CDH8: variants seen among roughly 807,000 people sequenced by gnomAD.
CDH8 encodes the protein cadherin 8.
CDH8 carries 17 observed loss-of-function variants against 68.1 expected under a neutral mutation model. The observed-to-expected ratio is 0.25, with a 90% CI of 0.17 to 0.37. The LOEUF is 0.37. Ranked by LOEUF, CDH8 falls within the 10% of genes least tolerant of loss-of-function variation. The pLI is 1.00. For synonymous variants in CDH8, 372 were observed against 365.1 expected, an observed-to-expected ratio of 1.02 and a Z score of -0.21; for missense variants, 763 against 999.3, an observed-to-expected ratio of 0.76 and a Z score of 3.19.
intron 8 of CDH8, among the ~76,000 whole-genome samples, chr16:61,765,658 G>C (rs1481464841): frequency 6.6e-6 from 1 of 151,942 alleles, no homozygotes; most frequent in African/African-American, 2.4e-5. Context: ...TAACTTTATT[G>C]TTTTAAAATA....
chr16:61,722,208 T>G (rs1300031415), intron 9 of CDH8, among the ~76,000 whole-genome samples: 1 of 150,846 alleles, frequency 6.6e-6, no homozygotes, highest in African/African-American at 2.4e-5. Flanking sequence ...TATTTGCACA[T>G]GCCTATTCTG....
intron 3 of CDH8, among the ~76,000 whole-genome samples, chr16:61,897,912 A>ATG (rs1213517558): frequency 6.6e-6 from 1 of 152,198 alleles, no homozygotes; most frequent in East Asian, 1.9e-4. Context: ...TGTGTTTTTT[A>ATG]TGTGTGTGTG....
chr16:61,855,689 A>G (rs937672176), intron 4 of CDH8, among the ~76,000 whole-genome samples: 23 of 152,176 alleles, frequency 1.5e-4, no homozygotes, highest in Non-Finnish European at 2.2e-4. Context: ...TCTGTCTTAC[A>G]GAAGACCCTG....
chr16:61,698,907 G>A (rs935750971), intron 10 of CDH8, among the ~76,000 whole-genome samples: 1 of 152,112 alleles, frequency 6.6e-6, no homozygotes, highest in Admixed American at 6.5e-5. Context: ...GAATATTTAT[G>A]TCCCAAAGGG....
chr16:61,688,075 C>T (rs1964142938), intron 10 of CDH8, among the ~76,000 whole-genome samples: 1 of 151,970 alleles, frequency 6.6e-6, no homozygotes, highest in Non-Finnish European at 1.5e-5. Context: ...ATGTTCTAAA[C>T]AACTTTGAAG....
At chr16:61,712,785 C>T (rs1203271530) in intron 10 of CDH8, among the ~76,000 whole-genome samples, 1 of 151,478 alleles carries the variant, frequency 6.6e-6, no homozygotes, top group African/African-American at 2.4e-5. Context: ...GTGATTCATC[C>T]ACATTTATCA....
rs56946081 is a variant in CDH8, at chr16:61,847,538, TTATATATATATATA to T, written c.667+9567_667+9580del. On this transcript the variant is annotated intron_variant, in intron 4 of 11. Transcript: ENST00000577390. Reference sequence around the variant, plus strand: ...CCCCTTCTGTAAGCTTCCAATCATTTTATATATATATATATATATATATATATATATGTAATTAA... The same window carrying T: ...CCCCTTCTGTAAGCTTCCAATCATTTTATATATATATATATATGTAATTAA... 9.1e-3 allele frequency among the ~76,000 whole-genome samples: 1,244 copies of T among 136,736 alleles called. 19 individuals carry two copies. The highest frequency in any genetic ancestry group is 0.03 in the African/African-American group (1,164 of 38,932). The allele number at this position is 136,736 out of a possible 152,430, so 89.7% of individuals were successfully genotyped here. A position where few individuals can be genotyped will look rare whatever the true frequency, so the allele number is the denominator to read the frequency against.
chr16:61,811,718 T>C lies in CDH8; in HGVS notation c.1277+5761A>G, dbSNP rs1235458659. The stretch of plus-strand genomic sequence containing the variant: ...AAACACTATTCAATGTGTTTCTCCT[T>C]TAAAAACAAGGAGATCCTGCAATAC... On this transcript the variant is annotated intron_variant, in intron 7 of 11. Coordinates refer to ENST00000577390, the MANE Select transcript of CDH8 (RefSeq NM_001796.5). Among the ~76,000 whole-genome samples the C allele has an allele frequency of 2.6e-5, 4 of 152,282 alleles. No individual in the cohort carries two copies. The East Asian group carries it at 7.7e-4, about 29-fold the overall frequency.
At chr16:61,962,285 A>C (rs1965168204) in intron 2 of CDH8, among the ~76,000 whole-genome samples, 1 of 152,196 alleles carries the variant, frequency 6.6e-6, no homozygotes, top group Non-Finnish European at 1.5e-5. Context: ...CTAAGTAAGC[A>C]TGTCTCCATG....
chr16:61,669,007 GAA>G lies in CDH8; in HGVS notation c.1655-13288_1655-13287del, dbSNP rs1385958743. Among the ~76,000 whole-genome samples the G allele has an allele frequency of 2.9e-4, 44 of 152,138 alleles. 1 individual carries two copies. Among genetic ancestry groups the G allele is most frequent in the African/African-American group, 1.0e-3 (43 of 41,518 alleles). On this transcript the variant is annotated intron_variant, in intron 10 of 11. Transcript: ENST00000577390. ...AAAATATTGAAATCTTTAATACTGTGAATAGAGAGCTGAAGATATGAAAGAAA... is the reference window on the plus strand; with the variant it reads ...AAAATATTGAAATCTTTAATACTGTGTAGAGAGCTGAAGATATGAAAGAAA...
intron 10 of CDH8, among the ~76,000 whole-genome samples, chr16:61,668,449 T>C (rs1174206046): frequency 2.0e-5 from 3 of 152,020 alleles, no homozygotes; most frequent in African/African-American, 7.2e-5. Flanking sequence ...CATTGGGGAA[T>C]GAGGGATGAA....
chr16:61,931,320 T>C (rs1964536912), intron 2 of CDH8, among the ~76,000 whole-genome samples: 1 of 152,040 alleles, frequency 6.6e-6, no homozygotes, highest in South Asian at 2.1e-4. Flanking sequence ...CACACAACCA[T>C]GCACAGCTAA....
intron 8 of CDH8, among the ~76,000 whole-genome samples, chr16:61,777,772 C>T (rs964949033): frequency 7.2e-5 from 11 of 152,082 alleles, no homozygotes; most frequent in Non-Finnish European, 1.3e-4. Flanking sequence ...ATGGGCTATG[C>T]GCAGAATTAC....
Position 61,739,799 on chromosome 16 carries a change from G to A in CDH8, c.1415-12584C>T, listed in dbSNP as rs553495793. Among the ~76,000 whole-genome samples, 57 of 146,440 alleles carry A rather than the reference G, an allele frequency of 3.9e-4. 3 individuals carry two copies. The South Asian group carries it at 0.012, about 31-fold the overall frequency. ...AAAAAAACAAACCAAGAAACCTAGGGTGGCCTGACCAACAAGTAGCAAAAC... is the reference window on the plus strand; with the variant it reads ...AAAAAAACAAACCAAGAAACCTAGGATGGCCTGACCAACAAGTAGCAAAAC... On this transcript the variant is annotated intron_variant, in intron 8 of 11. Coordinates refer to ENST00000577390, the MANE Select transcript of CDH8 (RefSeq NM_001796.5).
chr16:61,899,985 T>C (rs1238278467), intron 3 of CDH8, among the ~76,000 whole-genome samples: 1 of 152,290 alleles, frequency 6.6e-6, no homozygotes, highest in East Asian at 1.9e-4. Flanking sequence ...AATCAATACT[T>C]GGCCTTTATT....
intron 1 of CDH8, among the ~76,000 whole-genome samples, chr16:62,022,929 C>A (rs1004927149): frequency 1.3e-5 from 2 of 152,110 alleles, no homozygotes; most frequent in Admixed American, 6.5e-5. Flanking sequence ...AAGGGCTTAA[C>A]CTGATGAGTA....
chr16:62,003,802 G>A (rs952539074), intron 2 of CDH8, among the ~76,000 whole-genome samples: 2 of 152,154 alleles, frequency 1.3e-5, no homozygotes, highest in South Asian at 2.1e-4. Flanking sequence ...ATGGAATGTG[G>A]TTATCCATCA....
At chr16:62,030,806 A>C (rs542754412) in intron 1 of CDH8, among the ~76,000 whole-genome samples, 5 of 152,222 alleles carry the variant, frequency 3.3e-5, no homozygotes, top group African/African-American at 1.2e-4. Flanking sequence ...AAACACATCC[A>C]CAAAAGTACC....
intron 8 of CDH8, among the ~76,000 whole-genome samples, chr16:61,728,997 C>T (rs1046704774): frequency 6.6e-6 from 1 of 151,086 alleles, no homozygotes; most frequent in East Asian, 1.9e-4. Context: ...TAGCCTTTGC[C>T]TTTTGCAATT....
Sources: allele counts gnomAD v4.1 joint callset (sites outside exome capture counted in the v4.1 genomes callset), GRCh38; gene constraint gnomAD v4.1.1; transcripts MANE v1.5; gene names NCBI Gene and HGNC (gene_info 2026-07-23, HGNC 2026-07-21).